The following NAP1L4 variants were observed in gnomAD, a reference collection of about 807,000 sequenced individuals.
NAP1L4 encodes nucleosome assembly protein 1-like 4.
A neutral mutation model predicts 58.2 loss-of-function variants in NAP1L4; 15 were observed. That is an observed-to-expected ratio of 0.26 (90% CI 0.17 to 0.40). NAP1L4 has a LOEUF of 0.40. NAP1L4 is among the 10% of genes least tolerant of loss of function. NAP1L4 has a pLI of 1.00. For synonymous variants in NAP1L4, 171 were observed against 155.6 expected, an observed-to-expected ratio of 1.10 and a Z score of -0.74; for missense variants, 384 against 451.1, an observed-to-expected ratio of 0.85 and a Z score of 1.35.
chr11:2,979,779 A>AT (rs1182328435), intron 1 of NAP1L4, among the ~76,000 whole-genome samples: 2 of 142,326 alleles, frequency 1.4e-5, no homozygotes, highest in Non-Finnish European at 2.9e-5. Context: ...TCTAAAAAAA[A>AT]AAATAAAATA....
At chr11:2,963,539 C>A (rs1847077078) in intron 8 of NAP1L4, among the ~76,000 whole-genome samples, 1 of 152,274 alleles carries the variant, frequency 6.6e-6, no homozygotes, top group Non-Finnish European at 1.5e-5. Flanking sequence ...GGAAAACAGA[C>A]AGGAAAAAGT....
chr11:2,956,608 T>A (rs140226060), intron 10 of NAP1L4, among the ~76,000 whole-genome samples: 1 of 152,208 alleles, frequency 6.6e-6, no homozygotes, highest in Non-Finnish European at 1.5e-5. Context: ...ACACCACCCA[T>A]GAGTGAGGCA....
chr11:2,975,920 G>GA (rs201234538), intron 4 of NAP1L4, 104 bp downstream of exon 4: 15,512 of 1,029,970 alleles, frequency 0.015, 161 homozygotes, highest in South Asian at 0.034. Context: ...GTCTTGGAAC[G>GA]AAAAAAACAT....
At position 2,971,354 on chromosome 11, in the gene NAP1L4, C is replaced by A; in HGVS notation, c.402+94G>T. ...ATGCAGCAGCACCTACTGTTAGAAGCACATAAGTTTACTAGTCATTAAAAA... is the reference window on the plus strand; with the variant it reads ...ATGCAGCAGCACCTACTGTTAGAAGAACATAAGTTTACTAGTCATTAAAAA... On this transcript the variant is annotated intron_variant, in intron 6 of 15. Transcript: ENST00000380542. The surrounding 1 kb of genome is among the most constrained non-coding windows in gnomAD (Gnocchi z 4.2). 1 of 1,069,040 alleles carries A rather than the reference C, an allele frequency of 9.4e-7. No individual in the cohort carries two copies. Among genetic ancestry groups the A allele is most frequent in the South Asian group, 1.4e-5 (1 of 71,356 alleles). 66.2% of individuals were successfully genotyped at this position (1,069,040 alleles called of 1,614,324 possible). A position where few individuals can be genotyped will look rare whatever the true frequency, so the allele number is the denominator to read the frequency against.
At chr11:2,977,198 C>G (rs1848016660) in intron 3 of NAP1L4, among the ~76,000 whole-genome samples, 1 of 152,172 alleles carries the variant, frequency 6.6e-6, no homozygotes, top group Admixed American at 6.5e-5. Context: ...CTAAAACCTC[C>G]GTGTGAAAGT....
rs1371907583 is a variant in NAP1L4 at position 2,946,940 on chromosome 11, A to G, written c.*33-1294T>C. 6.6e-6 allele frequency among the ~76,000 whole-genome samples: 1 copy of G among 152,180 alleles called. No homozygotes were observed. Among genetic ancestry groups the G allele is most frequent in the African/African-American group, 2.4e-5 (1 of 41,440 alleles). Reference sequence around the variant, plus strand: ...CAGGAGCAGTGAGGGGAGGAGTGGGACAAGCAGTGTGCCTCCACCAAGGGA... The same window carrying G: ...CAGGAGCAGTGAGGGGAGGAGTGGGGCAAGCAGTGTGCCTCCACCAAGGGA... On this transcript the variant is annotated intron_variant, in intron 15 of 15. Coordinates refer to ENST00000380542, the MANE Select transcript of NAP1L4 (RefSeq NM_005969.4). The surrounding 1 kb of genome is among the most constrained non-coding windows in gnomAD (Gnocchi z 4.8).
chr11:2,961,577 C>G (rs1846908933), intron 8 of NAP1L4, among the ~76,000 whole-genome samples: 1 of 151,604 alleles, frequency 6.6e-6, no homozygotes, highest in Non-Finnish European at 1.5e-5. Context: ...GATTCCAGAA[C>G]TGTTTAAGGC....
In NAP1L4 at chr11:2,949,155, G is replaced by C. The variant is rs952912411; in HGVS notation, c.*32+72C>G. On this transcript the variant is annotated intron_variant, in intron 15 of 15. Coordinates refer to ENST00000380542, the MANE Select transcript of NAP1L4 (RefSeq NM_005969.4). This position sits in a 1 kb window ranked among gnomAD's most constrained non-coding sequence, Gnocchi z 4.0. Reference sequence around the variant, plus strand: ...GACAGCAACTCCCTCTTTATTCAAAGTCAAAACAATGCATTGTATAAAGTA... The same window carrying C: ...GACAGCAACTCCCTCTTTATTCAAACTCAAAACAATGCATTGTATAAAGTA... 3.0e-5 allele frequency: 37 copies of C among 1,244,300 alleles called. No individual in the cohort carries two copies. Among genetic ancestry groups the C allele is most frequent in the Non-Finnish European group, 4.1e-5 (35 of 861,754 alleles). The allele number at this position is 1,244,300 out of a possible 1,614,324, so 77.1% of individuals were successfully genotyped here.
intron 12 of NAP1L4, chr11:2,952,184 G>C (rs1392431317): frequency 7.0e-6 from 2 of 286,138 alleles, no homozygotes; most frequent in Admixed American, 4.8e-5. Context: ...CTACAAGGCT[G>C]ATCGAACCAG....
chr11:2,974,724 T>C (rs960842652), intron 4 of NAP1L4, among the ~76,000 whole-genome samples: 2 of 152,208 alleles, frequency 1.3e-5, no homozygotes, highest in Middle Eastern at 3.4e-3. Flanking sequence ...GGCAAATCCC[T>C]GTCTCTACTA....
intron 1 of NAP1L4, among the ~76,000 whole-genome samples, chr11:2,980,713 T>A (rs575768541): frequency 2.5e-4 from 38 of 152,248 alleles, no homozygotes; most frequent in African/African-American, 8.9e-4. Context: ...CACATAGCTT[T>A]AGGGTAAAAC....
chr11:2,960,052 C>CA (rs1258355693), intron 8 of NAP1L4, 143 bp from the exon 9 acceptor site: 10 of 799,054 alleles, frequency 1.3e-5, no homozygotes, highest in South Asian at 7.6e-5. Context: ...TTCTCCACCG[C>CA]AAAAAAGACT....
At chr11:2,981,418 C>CAAAAAAAA (rs35499396) in intron 1 of NAP1L4, among the ~76,000 whole-genome samples, 1,503 of 41,094 alleles carry the variant, frequency 0.037, 150 homozygotes, top group East Asian at 0.11. Flanking sequence ...TACCCTGTCT[C>CAAAAAAAA]AAAAAAAAAA....
chr11:2,951,270 T>C lies in NAP1L4; in HGVS notation c.1111A>G (p.Ile371Val), dbSNP rs998071989. ...EEGEDEDDAE[I>V]NPKV ...CCAAAGTTACCAACCTTGGGGTTAA[T>C]TTCCGCATCATCCTCGTCTTCTCCC... is the stretch of plus-strand genomic sequence containing the variant. The change falls in exon 14 of 16, where the codon ATT becomes GTT. Residue 371 changes from isoleucine (I) to valine (V), a missense_variant. Ile to Val is a conservative substitution (Grantham distance 29). Coordinates refer to ENST00000380542, the MANE Select transcript of NAP1L4 (RefSeq NM_005969.4). The surrounding 1 kb of genome is among the most constrained non-coding windows in gnomAD (Gnocchi z 4.0). 6.8e-6 allele frequency: 11 copies of C among 1,614,024 alleles called. No individual in the cohort carries two copies. Among genetic ancestry groups the C allele is most frequent in the African/African-American group, 2.7e-5 (2 of 74,942 alleles).
chr11:2,970,848 ACCCC>A (rs78730766), intron 6 of NAP1L4, among the ~76,000 whole-genome samples: 1 of 141,866 alleles, frequency 7.0e-6, no homozygotes, highest in African/African-American at 2.5e-5. Context: ...ATCATATACC[ACCCC>A]CCCCCCAAAA....
At chr11:2,974,876 A>T (rs1476790601) in intron 4 of NAP1L4, among the ~76,000 whole-genome samples, 1 of 152,192 alleles carries the variant, frequency 6.6e-6, no homozygotes, top group Non-Finnish European at 1.5e-5. Context: ...AAACTACAAA[A>T]AACTAGCTGG....
At position 2,959,837 on chromosome 11, in the gene NAP1L4, T is replaced by C. The variant is rs1308640673; in HGVS notation, c.679A>G (p.Met227Val). ...TNSVLTKTYK[M>V]KSEPDKADPF... ...TCAGCCTTATCTGGTTCTGATTTCA[T>C]CTTGTAGGTTTTTGTCAGGACTGAG... The change falls in exon 9 of 16, where the codon ATG becomes GTG. Residue 227 changes from methionine to valine, a missense_variant. By Grantham distance (21) the Met-to-Val change is conservative (BLOSUM62 1). Around this residue, in one of 3 missense-constraint regions of NAP1L4, gnomAD observed 296 missense variants for 360.8 expected, o/e 0.82. Coordinates refer to ENST00000380542, the MANE Select transcript of NAP1L4 (RefSeq NM_005969.4). The surrounding 1 kb of genome is among the most constrained non-coding windows in gnomAD (Gnocchi z 4.9). 9 of 1,614,218 alleles carry C rather than the reference T, an allele frequency of 5.6e-6. No individual in the cohort carries two copies. The highest frequency in any genetic ancestry group is 7.6e-6 in the Non-Finnish European group (9 of 1,180,016).
chr11:2,953,276 A>G (rs2133909802), intron 12 of NAP1L4, among the ~76,000 whole-genome samples: 1 of 152,394 alleles, frequency 6.6e-6, no homozygotes, highest in Middle Eastern at 3.4e-3. Flanking sequence ...GTAAGCAAAT[A>G]GCACACATGC....
At chr11:2,957,503 A>C (rs755968740) in intron 10 of NAP1L4, among the ~76,000 whole-genome samples, 2 of 152,218 alleles carry the variant, frequency 1.3e-5, no homozygotes, top group Non-Finnish European at 2.9e-5. Flanking sequence ...CATACAAACA[A>C]ACACTCACTG....
Sources: allele counts gnomAD v4.1 joint callset (sites outside exome capture counted in the v4.1 genomes callset), GRCh38; gene constraint gnomAD v4.1.1; regional missense constraint gnomAD v4.1.1; non-coding constraint Gnocchi (gnomAD v3.1); transcripts MANE v1.5; gene names NCBI Gene and HGNC (gene_info 2026-07-23, HGNC 2026-07-21).